The following AMZ2 variants were observed in gnomAD, a reference collection of about 807,000 sequenced individuals.
AMZ2 encodes the protein archaemetzincin-2.
In AMZ2, 26 loss-of-function variants were observed where a neutral mutation model predicts 36.7. The ratio of observed to expected loss-of-function variants is 0.71; its 90% CI spans 0.52 to 0.98. The LOEUF is 0.98. AMZ2 is among the 50% of genes least tolerant of loss of function. The pLI, the probability that AMZ2 is intolerant of heterozygous loss-of-function variation, is 0.00. For missense variants in AMZ2, 394 were observed against 430.5 expected (o/e 0.92, Z 0.75); for synonymous variants, 144 against 149.1 (o/e 0.97, Z 0.25).
Position 68,234,982 on chromosome 17 carries a change from T to G in AMZ2, c.-66-13658T>G, listed in dbSNP as rs1267672764. Among the ~76,000 whole-genome samples, 86 of 151,890 alleles carry G rather than the reference T, an allele frequency of 5.7e-4. 1 individual carries two copies. The highest frequency in any genetic ancestry group is 2.0e-3 in the African/African-American group (83 of 41,398). ...GTGAGCCGAGATTGTGCCATTGCAC[T>G]CCAGCCTGGGCAACAAAAGCAAAAC... On this transcript the variant is annotated intron_variant, in intron 1 of 7. Transcript: ENST00000674770.
At chr17:68,243,591 T>C (rs782223376), upstream of AMZ2, among the ~76,000 whole-genome samples, 1 of 152,256 alleles carries the variant, frequency 6.6e-6, no homozygotes, top group Non-Finnish European at 1.5e-5. Flanking sequence ...TTGGTGACTA[T>C]CCTTAACCAT....
chr17:68,244,446 C>T (rs1421646156), upstream of AMZ2, among the ~76,000 whole-genome samples: 2 of 152,122 alleles, frequency 1.3e-5, no homozygotes, highest in Non-Finnish European at 2.9e-5. Context: ...AACACCATGA[C>T]CCACTAATTT....
At chr17:68,209,493 C>T (rs1334147131) in intron 1 of AMZ2, among the ~76,000 whole-genome samples, 3 of 151,356 alleles carry the variant, frequency 2.0e-5, no homozygotes, top group East Asian at 1.9e-4. Flanking sequence ...TATGCCCGGC[C>T]TTTAGATGTG....
intron 1 of AMZ2, among the ~76,000 whole-genome samples, chr17:68,233,508 C>CAAAAA (rs35601824): frequency 1.3e-5 from 1 of 78,494 alleles, no homozygotes; most frequent in Non-Finnish European, 2.5e-5. Flanking sequence ...AACTATGTCT[C>CAAAAA]AAAAAAAAAA....
intron 6 of AMZ2, 38 bp downstream of exon 6, chr17:68,255,914 G>A: frequency 1.3e-6 from 2 of 1,594,120 alleles, no homozygotes; most frequent in Non-Finnish European, 1.7e-6. Context: ...AGGGGGAAGT[G>A]GTTATCTGAG....
chr17:68,211,764 ATATG>A, intron 1 of AMZ2, among the ~76,000 whole-genome samples: 7 of 137,944 alleles, frequency 5.1e-5, no homozygotes, highest in African/African-American at 2.1e-4. Flanking sequence ...GTATATGTAT[ATATG>A]TGTATATGTA....
chr17:68,234,960 A>T (rs2073752543), intron 1 of AMZ2, among the ~76,000 whole-genome samples: 1 of 152,050 alleles, frequency 6.6e-6, no homozygotes, highest in South Asian at 2.1e-4. Flanking sequence ...GGTTGTGGTG[A>T]GCCGAGATTG....
rs2073664462 is a variant in AMZ2 at position 68,231,556 on chromosome 17, T to G, written c.-66-17084T>G. Among the ~76,000 whole-genome samples, 2 of 104,158 alleles carry G rather than the reference T, an allele frequency of 1.9e-5. 1 individual carries two copies. 68.3% of individuals were successfully genotyped at this position (104,158 alleles called of 152,430 possible). ...AATATAAACTTAAAGAGAATTTTTC[T>G]GCAAGTCTTCTCCCATTATATGCCC... On this transcript the variant is annotated intron_variant, in intron 1 of 7. Coordinates refer to the AMZ2 transcript ENST00000674770.
chr17:68,241,622 G>A (rs1377217640), intron 1 of AMZ2, among the ~76,000 whole-genome samples: 1 of 152,146 alleles, frequency 6.6e-6, no homozygotes, highest in East Asian at 1.9e-4. Flanking sequence ...GGCCTATGGG[G>A]TGGGGACTAT....
chr17:68,219,626 G>A (rs1166419787), intron 1 of AMZ2, among the ~76,000 whole-genome samples: 7 of 151,948 alleles, frequency 4.6e-5, no homozygotes, highest in African/African-American at 1.7e-4. Flanking sequence ...TGACTTCCCA[G>A]GTTTAAGTGA....
At chr17:68,228,072 G>A (rs2073561716) in intron 1 of AMZ2, among the ~76,000 whole-genome samples, 1 of 152,046 alleles carries the variant, frequency 6.6e-6, no homozygotes, top group African/African-American at 2.4e-5. Flanking sequence ...CGTTTGCTGT[G>A]GAGTTGTGCC....
intron 1 of AMZ2, among the ~76,000 whole-genome samples, chr17:68,224,960 C>T (rs1322229634): frequency 6.6e-6 from 1 of 151,472 alleles, no homozygotes; most frequent in Non-Finnish European, 1.5e-5. Context: ...GGTGGATCAC[C>T]TGAGGTCGGG....
chr17:68,236,566 CTTTT>C (rs782220711), intron 1 of AMZ2, among the ~76,000 whole-genome samples: 1 of 102,970 alleles, frequency 9.7e-6, no homozygotes, highest in Non-Finnish European at 1.9e-5. Flanking sequence ...GGCAAACATC[CTTTT>C]TTTTTTTTTT....
rs201179314 is a variant in AMZ2 at position 68,231,415 on chromosome 17, TA to T, written c.-66-17224del. 6.2e-3 allele frequency among the ~76,000 whole-genome samples: 677 copies of T among 109,014 alleles called. 91 individuals are homozygous for T. Among genetic ancestry groups the T allele is most frequent in the East Asian group, 0.01 (37 of 3,594 alleles). 71.5% of individuals were successfully genotyped at this position (109,014 alleles called of 152,430 possible). A position where few individuals can be genotyped will look rare whatever the true frequency, so the allele number is the denominator to read the frequency against. ...TCACTCTCTGTGAGTCATCCAGCAC[TA>T]GTTAAGTTGGAATGAACAAAACTAG... On this transcript the variant is annotated intron_variant, in intron 1 of 7. Transcript: ENST00000674770.
chr17:68,217,758 G>A (rs1205304576), intron 1 of AMZ2, among the ~76,000 whole-genome samples: 3 of 151,496 alleles, frequency 2.0e-5, no homozygotes, highest in South Asian at 4.2e-4. Flanking sequence ...TATTTAATAA[G>A]TGCTTAAAAA....
At chr17:68,233,348 A>C (rs2073709058) in intron 1 of AMZ2, among the ~76,000 whole-genome samples, 1 of 151,996 alleles carries the variant, frequency 6.6e-6, no homozygotes, top group Admixed American at 6.6e-5. Context: ...GTCTCTACTA[A>C]AAACGTAAAA....
rs559234728 is a variant in AMZ2 at position 68,216,936 on chromosome 17, A to G, written c.-67+10698A>G. On this transcript the variant is annotated intron_variant, in intron 1 of 7. Coordinates refer to the AMZ2 transcript ENST00000674770. Reference sequence around the variant, plus strand: ...TAGTTCCAGCTACTCGGGAGGCTGAAGCAGGAGAATGGTGTGAACCCGGGA... The same window carrying G: ...TAGTTCCAGCTACTCGGGAGGCTGAGGCAGGAGAATGGTGTGAACCCGGGA... Among the ~76,000 whole-genome samples, 267 of 151,970 alleles carry G rather than the reference A, an allele frequency of 1.8e-3. 3 individuals carry two copies. Among genetic ancestry groups the G allele is most frequent in the Middle Eastern group, 0.014 (4 of 294 alleles).
Position 68,248,335 on chromosome 17 carries a change from G to GA in AMZ2, c.-369dup. On this transcript the variant is annotated 5_prime_UTR_variant, in exon 1 of 7. Coordinates refer to ENST00000359904, the MANE Select transcript of AMZ2 (RefSeq NM_016627.5). ...AAGAGGCGAAGCGAGAGTCCCTGGG[G>GA]AACCCCCACTCCACTCCCAGCTGGA... 1.0e-6 allele frequency: 1 copy of GA among 986,062 alleles called. No homozygotes were observed. Among genetic ancestry groups the GA allele is most frequent in the Non-Finnish European group, 1.2e-6 (1 of 830,154 alleles). 61.1% of individuals were successfully genotyped at this position (986,062 alleles called of 1,614,324 possible).
At chr17:68,247,994 C>T, upstream of AMZ2, 5 of 985,806 alleles carry the variant, frequency 5.1e-6, no homozygotes, top group Non-Finnish European at 6.0e-6. Flanking sequence ...GACGCAGCGG[C>T]GCGGCGCGTG....
Sources: allele counts gnomAD v4.1 joint callset (sites outside exome capture counted in the v4.1 genomes callset), GRCh38; gene constraint gnomAD v4.1.1; transcripts MANE v1.5; gene names NCBI Gene and HGNC (gene_info 2026-07-23, HGNC 2026-07-21).